The following GRHL1 variants were observed in gnomAD, a reference collection of about 807,000 sequenced individuals.
GRHL1 encodes grainyhead-like protein 1 homolog.
In GRHL1, 38 loss-of-function variants were observed where a neutral mutation model predicts 75.7. The ratio of observed to expected loss-of-function variants is 0.50; its 90% CI spans 0.39 to 0.66. The LOEUF (loss-of-function observed/expected upper bound fraction) is 0.66, where lower values mean the gene tolerates loss of function less well. GRHL1 is among the 30% of genes least tolerant of loss of function. GRHL1 has a pLI of 0.00. For missense variants in GRHL1, 589 were observed against 767.5 expected (o/e 0.77, Z 2.75); for synonymous variants, 266 against 279.4 (o/e 0.95, Z 0.48).
intron 8 of GRHL1, among the ~76,000 whole-genome samples, chr2:9,975,605 C>T (rs770655960): frequency 6.6e-6 from 1 of 151,954 alleles, no homozygotes. Context: ...AGGCCGGGCG[C>T]GGTGGCTCTT....
intron 8 of GRHL1, chr2:9,965,630 G>A: frequency 2.2e-6 from 1 of 462,188 alleles, no homozygotes; most frequent in East Asian, 3.3e-5. Flanking sequence ...TGCCTGTTCA[G>A]CCTTGAGTCT....
Position 9,998,977 on chromosome 2 carries a change from T to TA in GRHL1, c.1691dup (p.Tyr564Ter). 6.4e-7 allele frequency: 1 copy of TA among 1,571,360 alleles called. No individual in the cohort carries two copies. Among genetic ancestry groups the TA allele is most frequent in the Non-Finnish European group, 8.7e-7 (1 of 1,153,448 alleles). The change falls in exon 15 of 16, where the codon TAC (tyrosine) becomes TAAC (stop). Residue 564 changes from tyrosine (Y) to a stop codon, truncating the protein, a stop_gained and frameshift_variant. Coordinates refer to ENST00000324907, the MANE Select transcript of GRHL1 (RefSeq NM_198182.3). LOFTEE classifies it high-confidence loss of function. ...KGLMEAISDKYDVPHDKIGKI... is the reference protein window; with the variant it reads ...KGLMEAISDK The stretch of plus-strand genomic sequence containing the variant: ...TTTCCTCTTTTAGATCTCAGACAAA[T>TA]ACGATGTTCCCCATGACAAGATTGG...
At position 9,987,035 on chromosome 2, in the gene GRHL1, GT is replaced by G. The variant is rs1160738011; in HGVS notation, c.1269+754del. Among the ~76,000 whole-genome samples, 2 of 151,466 alleles carry G rather than the reference GT, an allele frequency of 1.3e-5. No homozygotes were observed. Among genetic ancestry groups the G allele is most frequent in the Non-Finnish European group, 2.9e-5 (2 of 67,934 alleles). Reference sequence around the variant, plus strand: ...GTGCTGTCGCCCATGCTGGAGTGCAGTGGCGCAGTCTCGGCTCACTGCAGCC... The same window carrying G: ...GTGCTGTCGCCCATGCTGGAGTGCAGGGCGCAGTCTCGGCTCACTGCAGCC... On this transcript the variant is annotated intron_variant, in intron 9 of 15. Coordinates refer to ENST00000324907, the MANE Select transcript of GRHL1 (RefSeq NM_198182.3). The surrounding 1 kb of genome is among the most constrained non-coding windows in gnomAD (Gnocchi z 4.2).
At chr2:9,998,623 C>T (rs1336620386) in intron 14 of GRHL1, among the ~76,000 whole-genome samples, 2 of 34,466 alleles carry the variant, frequency 5.8e-5, no homozygotes, top group Non-Finnish European at 9.5e-5. Flanking sequence ...TATATATGTA[C>T]ACATATACAT....
chr2:9,952,402 T>C (rs1666829318), intron 1 of GRHL1, among the ~76,000 whole-genome samples: 1 of 152,180 alleles, frequency 6.6e-6, no homozygotes, highest in Admixed American at 6.5e-5. Flanking sequence ...TTCTTTTCCC[T>C]GGCTGGCGGC....
chr2:9,974,059 A>G (rs1194625655), intron 8 of GRHL1, among the ~76,000 whole-genome samples: 1 of 152,086 alleles, frequency 6.6e-6, no homozygotes, highest in Non-Finnish European at 1.5e-5. Context: ...TCACCAAACA[A>G]TTTTTCCACA....
At chr2:9,958,894 G>A (rs1477316356) in intron 3 of GRHL1, 38 bp downstream of exon 3, 1 of 1,603,792 alleles carries the variant, frequency 6.2e-7, no homozygotes, top group Non-Finnish European at 8.5e-7. Flanking sequence ...GAGTGCAGGG[G>A]GAAATGCCAC....
At chr2:9,961,624 T>C (rs746495632) in intron 4 of GRHL1, among the ~76,000 whole-genome samples, 188 bp downstream of exon 4, 3 of 152,172 alleles carry the variant, frequency 2.0e-5, no homozygotes, top group Non-Finnish European at 1.5e-5. Context: ...CCAGAAGTTA[T>C]TATCAAGGAT....
intron 2 of GRHL1, among the ~76,000 whole-genome samples, chr2:9,957,940 C>T (rs906621464): frequency 8.5e-5 from 13 of 152,264 alleles, no homozygotes; most frequent in African/African-American, 2.6e-4. Context: ...GGGTGATGGA[C>T]GTATGAATCC....
intron 8 of GRHL1, among the ~76,000 whole-genome samples, chr2:9,977,328 A>AT (rs1023667034): frequency 6.0e-5 from 9 of 150,896 alleles, no homozygotes; most frequent in African/African-American, 9.7e-5. Context: ...ACTGGAAGAA[A>AT]TTTTTTTTTT....
intron 8 of GRHL1, among the ~76,000 whole-genome samples, chr2:9,969,237 A>G (rs1421040887): frequency 6.6e-6 from 1 of 152,210 alleles, no homozygotes; most frequent in Non-Finnish European, 1.5e-5. Context: ...TTAGGGAGAG[A>G]GAATTAACTT....
chr2:9,953,335 A>G (rs1483343332), intron 1 of GRHL1, among the ~76,000 whole-genome samples: 1 of 152,266 alleles, frequency 6.6e-6, no homozygotes, highest in East Asian at 1.9e-4. Context: ...GCTTAGCAGT[A>G]CATCAGTCAA....
At chr2:9,989,910 T>G (rs1668571542) in intron 9 of GRHL1, among the ~76,000 whole-genome samples, 2 of 152,204 alleles carry the variant, frequency 1.3e-5, no homozygotes, top group South Asian at 4.1e-4. Context: ...TTGTGAATTC[T>G]GCTTGGTTAG....
chr2:9,951,944 G>C lies in GRHL1; in HGVS notation c.20+91G>C. 1.2e-6 allele frequency: 1 copy of C among 802,394 alleles called. No individual in the cohort carries two copies. Among genetic ancestry groups the C allele is most frequent in the East Asian group, 1.0e-4 (1 of 9,660 alleles). 49.7% of individuals were successfully genotyped at this position (802,394 alleles called of 1,614,324 possible). A position where few individuals can be genotyped will look rare whatever the true frequency, so the allele number is the denominator to read the frequency against. The stretch of plus-strand genomic sequence containing the variant: ...GCGAGCCGGGCGCAGACCCGAGGCC[G>C]CGCGGGCGGGCGGGCGCGGGGCGCG... On this transcript the variant is annotated intron_variant, in intron 1 of 15. Transcript: ENST00000324907. The surrounding 1 kb of genome is among the most constrained non-coding windows in gnomAD (Gnocchi z 4.2).
chr2:9,967,694 T>C (rs1667548792), intron 8 of GRHL1, among the ~76,000 whole-genome samples: 1 of 152,190 alleles, frequency 6.6e-6, no homozygotes, highest in African/African-American at 2.4e-5. Context: ...TTTTTTGCTT[T>C]CCCTGGCCAA....
Position 9,961,291 on chromosome 2 carries a change from A to G in GRHL1, c.524A>G (p.Tyr175Cys), listed in dbSNP as rs1446153517. The change falls in exon 4 of 16, where the codon TAT becomes TGT. Residue 175 changes from tyrosine to cysteine, a missense_variant. Transcript: ENST00000324907. ...GCTGTGGGAATCCCCCCAGCAGTGT[A>G]TCATCCTGAGCCCACTGAGCGGGTG... ...GFAVGIPPAVYHPEPTERVVV... is the reference protein window; with the variant it reads ...GFAVGIPPAVCHPEPTERVVV... The G allele has an allele frequency of 3.1e-6, 5 of 1,614,180 alleles. No individual in the cohort carries two copies. Among genetic ancestry groups the G allele is most frequent in the Non-Finnish European group, 4.2e-6 (5 of 1,180,026 alleles).
chr2:9,983,706 G>T (rs769739045), intron 8 of GRHL1, among the ~76,000 whole-genome samples: 1 of 151,960 alleles, frequency 6.6e-6, no homozygotes, highest in Non-Finnish European at 1.5e-5. Context: ...GAAAAAATTC[G>T]GATTTTCCAT....
At chr2:9,984,926 G>C (rs182221728) in intron 8 of GRHL1, among the ~76,000 whole-genome samples, 1 of 152,018 alleles carries the variant, frequency 6.6e-6, no homozygotes, top group East Asian at 1.9e-4. Context: ...AAATTACCTG[G>C]GCGTGGTGGC....
intron 12 of GRHL1, 118 bp downstream of exon 12, chr2:9,993,362 G>T: frequency 1.3e-6 from 1 of 798,936 alleles, no homozygotes. Context: ...AGGATAAGTT[G>T]CCAGCCTGAT....
Sources: allele counts gnomAD v4.1 joint callset (sites outside exome capture counted in the v4.1 genomes callset), GRCh38; gene constraint gnomAD v4.1.1; non-coding constraint Gnocchi (gnomAD v3.1); transcripts MANE v1.5; gene names NCBI Gene and HGNC (gene_info 2026-07-23, HGNC 2026-07-21).